ETV6: variants seen among roughly 807,000 people sequenced by gnomAD.
ETV6 encodes the protein ETS variant transcription factor 6.
ETV6 carries 16 observed loss-of-function variants against 51.1 expected under a neutral mutation model. The ratio of observed to expected loss-of-function variants is 0.31; its 90% CI spans 0.21 to 0.48. The LOEUF (loss-of-function observed/expected upper bound fraction) is 0.48. ETV6 is among the 20% of genes least tolerant of loss of function. The probability of loss-of-function intolerance (pLI) is 0.99; values close to 1 mark genes in which losing one functional copy is unlikely to be tolerated. For missense variants in ETV6, 458 were observed against 594.8 expected (o/e 0.77, Z 2.39); for synonymous variants, 240 against 224.1 (o/e 1.07, Z -0.64).
chr12:11,682,542 T>C (rs1427877523), intron 1 of ETV6, among the ~76,000 whole-genome samples: 3 of 152,224 alleles, frequency 2.0e-5, no homozygotes, highest in African/African-American at 7.2e-5. Context: ...ATAGTTTCTT[T>C]TGCTGAGCAG....
At position 11,892,251 on chromosome 12, in the gene ETV6, T is replaced by C. The variant is rs2710278; in HGVS notation, c.*1205T>C. 59,880 of 224,272 alleles carry C rather than the reference T, an allele frequency of 0.27. 9,177 individuals carry two copies. The highest frequency in any genetic ancestry group is 0.4 in the East Asian group (6,371 of 16,038). The allele number at this position is 224,272 out of a possible 1,614,324, so 13.9% of individuals were successfully genotyped here. On this transcript the variant is annotated 3_prime_UTR_variant, in exon 8 of 8. Coordinates refer to ENST00000396373, the MANE Select transcript of ETV6 (RefSeq NM_001987.5). The stretch of plus-strand genomic sequence containing the variant: ...TTTTTTTTCAATTCCTAACCTTTTT[T>C]AAAGTTTCCTGGTCTCCACTGGACA...
chr12:11,726,477 A>G (rs1368391825), intron 1 of ETV6, among the ~76,000 whole-genome samples: 2 of 152,190 alleles, frequency 1.3e-5, no homozygotes, highest in Admixed American at 6.5e-5. Context: ...ATAAATACAC[A>G]AATAATTTAA....
intron 7 of ETV6, among the ~76,000 whole-genome samples, chr12:11,888,037 G>C (rs1225509091): frequency 6.6e-6 from 1 of 152,130 alleles, no homozygotes; most frequent in Non-Finnish European, 1.5e-5. Flanking sequence ...TGAGATCTGG[G>C]AGACTAGAAA....
chr12:11,730,770 A>G (rs1260280341), intron 1 of ETV6, among the ~76,000 whole-genome samples: 7 of 152,208 alleles, frequency 4.6e-5, no homozygotes, highest in Non-Finnish European at 1.0e-4. Flanking sequence ...GAGCAGAAGT[A>G]GAGGAATGGA....
intron 2 of ETV6, among the ~76,000 whole-genome samples, chr12:11,820,067 T>C (rs946693348): frequency 2.6e-5 from 4 of 152,218 alleles, no homozygotes; most frequent in South Asian, 2.1e-4. Flanking sequence ...CTTACACATA[T>C]GTCAACATAC....
At chr12:11,716,506 T>C (rs1653248253) in intron 1 of ETV6, 1 of 152,244 alleles carries the variant, frequency 6.6e-6, no homozygotes, top group Non-Finnish European at 1.5e-5. Flanking sequence ...TAGTATTTGG[T>C]GGAAGGTGGT....
At chr12:11,705,508 C>T (rs945441625) in intron 1 of ETV6, among the ~76,000 whole-genome samples, 4 of 152,102 alleles carry the variant, frequency 2.6e-5, no homozygotes, top group South Asian at 2.1e-4. Context: ...TTGGACTGTT[C>T]GACTCTTCTC....
chr12:11,832,082 C>T (rs1007241910), intron 2 of ETV6, among the ~76,000 whole-genome samples: 2 of 152,130 alleles, frequency 1.3e-5, no homozygotes, highest in Admixed American at 6.6e-5. Flanking sequence ...AGGAGAGTTT[C>T]TGAGCTCTAG....
intron 2 of ETV6, among the ~76,000 whole-genome samples, chr12:11,775,411 T>G (rs999043093): frequency 2.0e-4 from 31 of 152,232 alleles, no homozygotes; most frequent in Middle Eastern, 3.2e-3. Context: ...GTGCTGGGGT[T>G]AAACCATAAG....
chr12:11,791,234 C>G (rs572370710), intron 2 of ETV6, among the ~76,000 whole-genome samples: 2 of 152,306 alleles, frequency 1.3e-5, no homozygotes, highest in African/African-American at 4.8e-5. Context: ...CCCTCCACCC[C>G]CTTATCTCTT....
intron 2 of ETV6, among the ~76,000 whole-genome samples, chr12:11,791,410 A>C (rs762719): frequency 2.6e-5 from 4 of 152,210 alleles, no homozygotes; most frequent in African/African-American, 9.6e-5. Flanking sequence ...GTTCATGTGT[A>C]TGTCAAACTA....
At chr12:11,685,130 G>A (rs1864603211) in intron 1 of ETV6, among the ~76,000 whole-genome samples, 1 of 152,146 alleles carries the variant, frequency 6.6e-6, no homozygotes, top group South Asian at 2.1e-4. Context: ...CCTGCGGAGT[G>A]TCATCTAGCT....
chr12:11,677,477 GTTT>G (rs1321402768), intron 1 of ETV6, among the ~76,000 whole-genome samples: 1 of 152,184 alleles, frequency 6.6e-6, no homozygotes, highest in Non-Finnish European at 1.5e-5. Context: ...AAGACCTGTT[GTTT>G]GTTTCTTAAG....
At chr12:11,756,373 G>A (rs1201614264) in intron 2 of ETV6, among the ~76,000 whole-genome samples, 2 of 152,126 alleles carry the variant, frequency 1.3e-5, no homozygotes, top group East Asian at 1.9e-4. Flanking sequence ...AGGATAGAAA[G>A]GGCATCATTT....
intron 1 of ETV6, among the ~76,000 whole-genome samples, chr12:11,709,576 G>A (rs1412705211): frequency 1.3e-5 from 2 of 152,218 alleles, no homozygotes; most frequent in African/African-American, 4.8e-5. Context: ...TAGGGCACAA[G>A]TGATGCTTAA....
intron 7 of ETV6, among the ~76,000 whole-genome samples, chr12:11,887,241 C>CAA (rs1947205391): frequency 6.6e-6 from 1 of 152,192 alleles, no homozygotes; most frequent in African/African-American, 2.4e-5. Context: ...TCTTCCCACT[C>CAA]TATACCTTTT....
chr12:11,772,100 A>C (rs1315977026), intron 2 of ETV6, among the ~76,000 whole-genome samples: 1 of 152,218 alleles, frequency 6.6e-6, no homozygotes, highest in African/African-American at 2.4e-5. Flanking sequence ...TAATGTTGTG[A>C]TCATGTGTAT....
At chr12:11,683,427 T>A (rs1864570115) in intron 1 of ETV6, among the ~76,000 whole-genome samples, 1 of 152,214 alleles carries the variant, frequency 6.6e-6, no homozygotes, top group African/African-American at 2.4e-5. Flanking sequence ...TATTGGTGCC[T>A]CCATGGTAGA....
intron 1 of ETV6, among the ~76,000 whole-genome samples, chr12:11,668,210 C>G (rs1247856958): frequency 7.1e-6 from 1 of 140,994 alleles, no homozygotes; most frequent in Admixed American, 7.4e-5. Flanking sequence ...AAAAATTGAC[C>G]TGCCTTGGAG....
Sources: allele counts gnomAD v4.1 joint callset (sites outside exome capture counted in the v4.1 genomes callset), GRCh38; gene constraint gnomAD v4.1.1; transcripts MANE v1.5; gene names NCBI Gene and HGNC (gene_info 2026-07-23, HGNC 2026-07-21).